The following KCTD19 variants were observed in gnomAD, a reference collection of about 807,000 sequenced individuals.
KCTD19 encodes the protein potassium channel tetramerization domain containing 19, also known as BTB/POZ domain-containing protein KCTD19.
KCTD19 carries 67 observed loss-of-function variants against 103.5 expected under a neutral mutation model. The ratio of observed to expected loss-of-function variants is 0.65; its 90% CI spans 0.53 to 0.79. The LOEUF (loss-of-function observed/expected upper bound fraction) is 0.79, where lower values mean the gene tolerates loss of function less well. KCTD19 is among the 30% of genes least tolerant of loss of function. The pLI, the probability that KCTD19 is intolerant of heterozygous loss-of-function variation, is 0.00. For synonymous variants in KCTD19, 439 were observed against 452.2 expected (o/e 0.97, Z 0.37); for missense variants, 980 against 1,136.1 (o/e 0.86, Z 1.98).
chr16:67,326,528 G>C lies in KCTD19; in HGVS notation c.3+177C>G, dbSNP rs1235002631. ...CCAGAACACTTCATCCCTCAAGACAGAGCGTTATTCTAACTCCTCAGAGCC... is the reference window on the plus strand; with the variant it reads ...CCAGAACACTTCATCCCTCAAGACACAGCGTTATTCTAACTCCTCAGAGCC... On this transcript the variant is annotated intron_variant, in intron 1 of 15. Coordinates refer to ENST00000304372, the MANE Select transcript of KCTD19 (RefSeq NM_001100915.3). 5.3e-6 allele frequency: 4 copies of C among 753,220 alleles called. No individual in the cohort carries two copies. The South Asian group carries it at 5.7e-5, about 11-fold the overall frequency. The allele number at this position is 753,220 out of a possible 1,614,324, so 46.7% of individuals were successfully genotyped here.
At position 67,323,785 on chromosome 16, in the gene KCTD19, G is replaced by C. The variant is rs543186825; in HGVS notation, c.4-2900C>G. 4.1e-3 allele frequency among the ~76,000 whole-genome samples: 623 copies of C among 151,992 alleles called. 6 individuals carry two copies. Among genetic ancestry groups the C allele is most frequent in the African/African-American group, 0.015 (609 of 41,436 alleles). On this transcript the variant is annotated intron_variant, in intron 1 of 15. Coordinates refer to ENST00000304372, the MANE Select transcript of KCTD19 (RefSeq NM_001100915.3). The surrounding 1 kb of genome is among the most constrained non-coding windows in gnomAD (Gnocchi z 4.1). ...GGGATGGTGAAAATGTTCTAAAATT[G>C]ATTGTGATGATAGTTGCACAACTCT... is the stretch of plus-strand genomic sequence containing the variant.
At chr16:67,322,961 A>G (rs2037092261) in intron 1 of KCTD19, among the ~76,000 whole-genome samples, 1 of 152,264 alleles carries the variant, frequency 6.6e-6, no homozygotes, top group Admixed American at 6.5e-5. Flanking sequence ...AAGATGCTCA[A>G]CATCCTTAGT....
intron 12 of KCTD19, among the ~76,000 whole-genome samples, chr16:67,292,524 C>G (rs1362700576): frequency 1.3e-5 from 2 of 152,176 alleles, no homozygotes; most frequent in African/African-American, 4.8e-5. Flanking sequence ...GCCTTTGATG[C>G]ATGTCCAAAG....
chr16:67,315,687 G>A (rs2037005467), intron 2 of KCTD19, among the ~76,000 whole-genome samples: 1 of 152,038 alleles, frequency 6.6e-6, no homozygotes, highest in Non-Finnish European at 1.5e-5. Context: ...TCACCATGTT[G>A]TCCAGGCTGG....
intron 15 of KCTD19, among the ~76,000 whole-genome samples, 194 bp downstream of exon 15, chr16:67,290,691 T>C (rs1054469969): frequency 2.6e-5 from 4 of 152,180 alleles, no homozygotes; most frequent in African/African-American, 9.7e-5. Flanking sequence ...TAAAAACCAG[T>C]GGCCTGAATA....
intron 1 of KCTD19, among the ~76,000 whole-genome samples, chr16:67,326,429 TGA>T (rs1398114309): frequency 6.6e-6 from 1 of 151,786 alleles, no homozygotes; most frequent in Non-Finnish European, 1.5e-5. Context: ...CCCCCAGCGC[TGA>T]GATATGAAGA....
intron 1 of KCTD19, among the ~76,000 whole-genome samples, chr16:67,325,136 C>T (rs1261336287): frequency 2.0e-5 from 3 of 151,796 alleles, no homozygotes; most frequent in African/African-American, 4.8e-5. Context: ...ACCTACTTCT[C>T]GAAGGTGAGC....
rs1305284879 is a variant in KCTD19 at position 67,301,783 on chromosome 16, C to T, written c.775+8G>A. ...TCGAGGGGGAGCCAAGGTTTCCTGG[C>T]GACATACCCATGTTCATCCGGTACC... is the stretch of plus-strand genomic sequence containing the variant. On this transcript the variant is annotated splice_region_variant and intron_variant, in intron 5 of 15. Transcript: ENST00000304372. The T allele has an allele frequency of 6.8e-6, 11 of 1,613,184 alleles. No individual in the cohort carries two copies. The highest frequency in any genetic ancestry group is 1.7e-5 in the Admixed American group (1 of 59,920).
At position 67,292,080 on chromosome 16, in the gene KCTD19, G is replaced by A. The variant is rs554679215; in HGVS notation, c.2219-243C>T. 9.8e-5 allele frequency among the ~76,000 whole-genome samples: 15 copies of A among 152,306 alleles called. No homozygotes were observed. In the South Asian group the frequency reaches 2.7e-3, roughly 27 times the overall value. On this transcript the variant is annotated intron_variant, in intron 12 of 15. Coordinates refer to ENST00000304372, the MANE Select transcript of KCTD19 (RefSeq NM_001100915.3). ...GTAGAGATGGGGTTTCACCAGGCTG[G>A]TCTCGAACTCCTGACCTTAGGTGAT...
Position 67,289,761 on chromosome 16 carries a change from T to C in KCTD19, c.2668-79A>G, listed in dbSNP as rs9922130. The C allele has an allele frequency of 0.055, 59,375 of 1,072,636 alleles. 4,590 individuals are homozygous for C. Among genetic ancestry groups the C allele is most frequent in the African/African-American group, 0.33 (21,059 of 64,474 alleles). 66.4% of individuals were successfully genotyped at this position (1,072,636 alleles called of 1,614,324 possible). ...GCTCCATGTGGGTGGGGTTCTCCCA[T>C]TGGGGCAGGGACAGGGCAAGCCCGG... On this transcript the variant is annotated intron_variant, in intron 15 of 15. Coordinates refer to ENST00000304372, the MANE Select transcript of KCTD19 (RefSeq NM_001100915.3).
chr16:67,318,635 TTTAAAGGG>T (rs1224192022), intron 2 of KCTD19, among the ~76,000 whole-genome samples: 2 of 150,084 alleles, frequency 1.3e-5, no homozygotes, highest in East Asian at 3.9e-4. Flanking sequence ...CAGCAAAGGG[TTTAAAGGG>T]CTTAATACAC....
In KCTD19 at chr16:67,303,109, A is replaced by AGGGGGGGGGG; in HGVS notation, c.643+36_643+37insCCCCCCCCCC. Reference sequence around the variant, plus strand: ...TGGGGAGGGGTGAATGGGCCCTATCAGCCCGCCCCCCACCCCACCCCGGAC... The same window carrying AGGGGGGGGGG: ...TGGGGAGGGGTGAATGGGCCCTATCAGGGGGGGGGGGCCCGCCCCCCACCCCACCCCGGAC... On this transcript the variant is annotated intron_variant, in intron 4 of 15. Coordinates refer to ENST00000304372, the MANE Select transcript of KCTD19 (RefSeq NM_001100915.3). This position sits in a 1 kb window ranked among gnomAD's most constrained non-coding sequence, Gnocchi z 4.3. 1 of 483,252 alleles carries AGGGGGGGGGG rather than the reference A, an allele frequency of 2.1e-6. No homozygotes were observed. The highest frequency in any genetic ancestry group is 2.7e-5 in the Admixed American group (1 of 37,152). 29.9% of individuals were successfully genotyped at this position (483,252 alleles called of 1,614,324 possible).
At chr16:67,307,615 C>T (rs1039192035) in intron 2 of KCTD19, among the ~76,000 whole-genome samples, 1 of 152,020 alleles carries the variant, frequency 6.6e-6, no homozygotes, top group African/African-American at 2.4e-5. Context: ...CACGCCTGGC[C>T]GACAGCCAGC....
At chr16:67,297,775 G>T in intron 6 of KCTD19, 112 bp from the exon 7 acceptor site, 2 of 978,932 alleles carry the variant, frequency 2.0e-6, no homozygotes, top group Non-Finnish European at 3.0e-6. Context: ...GCTTAAATCA[G>T]GCATCATTAA....
In KCTD19 at chr16:67,301,910, C is replaced by T. The variant is rs943861945; in HGVS notation, c.656G>A (p.Arg219His). The T allele has an allele frequency of 9.9e-6, 16 of 1,613,766 alleles. No homozygotes were observed. Among genetic ancestry groups the T allele is most frequent in the South Asian group, 3.3e-5 (3 of 91,066 alleles). ...ATCCGGTAGTAAAATCTTCTGTGAG[C>T]GAAGAAAATTCACTTGAAAAACAAA... ...SEFRFIVNFL[R>H]SQKILLPDNF... is the part of the protein sequence containing the mutation. Residue 219 changes from arginine (R) to histidine (H), a missense_variant, in exon 5 of 16, where the codon CGC becomes CAC. Arg to His is a conservative substitution (Grantham distance 29). Coordinates refer to ENST00000304372, the MANE Select transcript of KCTD19 (RefSeq NM_001100915.3).
In KCTD19 at chr16:67,294,137, C is replaced by T. The variant is rs2036736062; in HGVS notation, c.1625G>A (p.Cys542Tyr). Residue 542 changes from cysteine (C) to tyrosine (Y), a missense_variant, in exon 12 of 16, where the codon TGC (cysteine) becomes TAC (tyrosine). Cys to Tyr is a radical substitution (Grantham distance 194). Coordinates refer to ENST00000304372, the MANE Select transcript of KCTD19 (RefSeq NM_001100915.3). ...CTTGTTCCATGGAGTCCTGTCACTG[C>T]AGTCTTCGAAGTCCACAGGCATGTA... ...TAYMPVDFED[C>Y]SDRTPWNKAK... The T allele has an allele frequency of 1.9e-6, 3 of 1,609,068 alleles. No homozygotes were observed. The highest frequency in any genetic ancestry group is 1.7e-6 in the Non-Finnish European group (2 of 1,175,912).
intron 6 of KCTD19, among the ~76,000 whole-genome samples, chr16:67,297,925 G>A (rs2036785374): frequency 6.6e-6 from 1 of 151,710 alleles, no homozygotes; most frequent in Non-Finnish European, 1.5e-5. Context: ...CAAGTAGCTG[G>A]AACTACAGGC....
rs756575700 is a variant in KCTD19, at chr16:67,291,291, G to A, written c.2565+18C>T. On this transcript the variant is annotated intron_variant, in intron 14 of 15. Transcript: ENST00000304372. ...GAAGGTACAGGGTGCCCCAGGGCCT[G>A]AGGCCTGTCACACATACCCACAGCC... 117 of 1,610,006 alleles carry A rather than the reference G, an allele frequency of 7.3e-5. No individual in the cohort carries two copies. The highest frequency in any genetic ancestry group is 9.4e-5 in the Non-Finnish European group (111 of 1,178,564).
intron 2 of KCTD19, among the ~76,000 whole-genome samples, chr16:67,310,449 T>C (rs2036937862): frequency 6.6e-6 from 1 of 152,248 alleles, no homozygotes; most frequent in African/African-American, 2.4e-5. Flanking sequence ...AAGTCCGCTT[T>C]CATCTGCCTG....
Sources: gnomAD v4.1 joint callset for allele counts (sites outside exome capture counted in the v4.1 genomes callset) on GRCh38, gnomAD v4.1.1 for gene constraint, Gnocchi (gnomAD v3.1) non-coding constraint, MANE v1.5 for transcripts, NCBI Gene and HGNC (gene_info 2026-07-23, HGNC 2026-07-21) for gene names.